POLA1: variants seen among roughly 807,000 people sequenced by gnomAD.
POLA1 encodes DNA polymerase alpha catalytic subunit.
POLA1 carries 15 observed loss-of-function variants against 124.0 expected under a neutral mutation model. The ratio of observed to expected loss-of-function variants is 0.12; its 90% CI spans 0.08 to 0.19. The LOEUF is 0.19. Ranked by LOEUF, POLA1 falls within the 10% of genes least tolerant of loss-of-function variation. The probability of loss-of-function intolerance (pLI) is 1.00; values close to 1 mark genes in which losing one functional copy is unlikely to be tolerated. For missense variants in POLA1, 886 were observed against 1,103.4 expected (o/e 0.80, Z 2.79); for synonymous variants, 408 against 389.4 (o/e 1.05, Z -0.56).
At chrX:24,867,050 T>G (rs1273713727) in intron 34 of POLA1, among the ~76,000 whole-genome samples, 1 of 109,228 alleles carries the variant, frequency 9.2e-6, no homozygotes, top group Non-Finnish European at 1.9e-5. Context: ...TATTTTTATA[T>G]TTGTTTTATA....
chrX:24,842,961 A>G (rs923475204), intron 33 of POLA1, among the ~76,000 whole-genome samples: 1 of 111,989 alleles, frequency 8.9e-6, no homozygotes, highest in Admixed American at 9.5e-5. Flanking sequence ...ATATTTATTT[A>G]TTTCAAATTT....
intron 36 of POLA1, among the ~76,000 whole-genome samples, chrX:24,988,786 C>G (rs763079961): frequency 8.1e-5 from 9 of 111,307 alleles, no homozygotes; most frequent in Non-Finnish European, 1.7e-4. Context: ...GTCAACATGG[C>G]AAGACCCTGT....
intron 36 of POLA1, among the ~76,000 whole-genome samples, chrX:24,951,034 T>C (rs1184243780): frequency 8.9e-6 from 1 of 111,753 alleles, no homozygotes; most frequent in Non-Finnish European, 1.9e-5. Context: ...ATCTTAAAAT[T>C]GGTGAAATAT....
At chrX:24,838,753 C>A (rs1358026965) in intron 32 of POLA1, among the ~76,000 whole-genome samples, 1 of 112,391 alleles carries the variant, frequency 8.9e-6, no homozygotes, top group Non-Finnish European at 1.9e-5. Flanking sequence ...GGAGTGACAA[C>A]AATTAAAAAT....
chrX:24,884,741 T>G (rs2047043798), intron 34 of POLA1, among the ~76,000 whole-genome samples: 1 of 112,113 alleles, frequency 8.9e-6, no homozygotes, highest in African/African-American at 3.2e-5. Context: ...CATGTTTAAT[T>G]TCCATGCATA....
intron 26 of POLA1, among the ~76,000 whole-genome samples, chrX:24,791,680 G>A (rs968330402): frequency 4.5e-5 from 5 of 112,141 alleles, no homozygotes; most frequent in African/African-American, 1.6e-4. Flanking sequence ...CACCACGCCC[G>A]GCCTATTGTA....
chrX:24,805,009 AC>A (rs1344112361), intron 26 of POLA1, among the ~76,000 whole-genome samples: 1 of 111,574 alleles, frequency 9.0e-6, no homozygotes, highest in Non-Finnish European at 1.9e-5. Flanking sequence ...TCTTTAGAAA[AC>A]AATTTTTGAT....
At position 24,727,781 on chromosome X, in the gene POLA1, G is replaced by A; in HGVS notation, c.1532-1G>A. 8.3e-7 allele frequency: 1 copy of A among 1,202,889 alleles called. No individual in the cohort carries two copies. Among genetic ancestry groups the A allele is most frequent in the Non-Finnish European group, 1.1e-6 (1 of 888,567 alleles). On this transcript the variant is annotated splice_acceptor_variant, in intron 14 of 36. Transcript: ENST00000379068. LOFTEE classifies it high-confidence loss of function. ...GATCTGTTGTATCTATTCTCTTTCA[G>A]AGCTCTTGAATCAGCCAGTCAGTTG... is the stretch of plus-strand genomic sequence containing the variant.
intron 36 of POLA1, among the ~76,000 whole-genome samples, chrX:24,992,212 A>G (rs888457994): frequency 9.0e-6 from 1 of 110,844 alleles, no homozygotes; most frequent in Admixed American, 9.6e-5. Flanking sequence ...ACGTGTAGAG[A>G]GCGTAGAGGG....
chrX:24,905,207 A>G (rs938809953), intron 35 of POLA1, among the ~76,000 whole-genome samples: 4 of 109,763 alleles, frequency 3.6e-5, no homozygotes, highest in Admixed American at 2.0e-4. Context: ...TGACAGCTGA[A>G]CTGACATTGG....
chrX:24,792,699 T>A (rs2045524890), intron 26 of POLA1, among the ~76,000 whole-genome samples: 1 of 112,588 alleles, frequency 8.9e-6, no homozygotes, highest in African/African-American at 3.2e-5. Flanking sequence ...AAGGAACTAT[T>A]GCAAGGCATG....
intron 20 of POLA1, among the ~76,000 whole-genome samples, chrX:24,741,146 T>TGTGCGC (rs1555980133): frequency 4.1e-5 from 4 of 97,814 alleles, no homozygotes; most frequent in African/African-American, 1.5e-4. Context: ...TGTGTGTGTG[T>TGTGCGC]GCGCGCGTGT....
chrX:24,766,445 A>G lies in POLA1; in HGVS notation c.2964+17453A>G, dbSNP rs1469039286. On this transcript the variant is annotated intron_variant, in intron 26 of 36. Transcript: ENST00000379068. ...TACCTGCTTTCCATCTGTTTTGTGT[A>G]GTTCATTCCTTTGGTTTTTGAGCTT... is the stretch of plus-strand genomic sequence containing the variant. Among the ~76,000 whole-genome samples the G allele has an allele frequency of 6.2e-5, 7 of 112,125 alleles. No homozygotes were observed. In the Admixed American group the frequency reaches 6.6e-4, roughly 11 times the overall value.
intron 36 of POLA1, among the ~76,000 whole-genome samples, chrX:24,972,062 A>G (rs1027220536): frequency 9.1e-6 from 1 of 109,880 alleles, no homozygotes; most frequent in East Asian, 2.9e-4. Flanking sequence ...TCCGCCTCTC[A>G]GGTTCAAGCG....
intron 36 of POLA1, among the ~76,000 whole-genome samples, chrX:24,955,019 G>A (rs1312214772): frequency 1.8e-5 from 2 of 111,869 alleles, no homozygotes; most frequent in Admixed American, 9.4e-5. Flanking sequence ...CTGTAGCAGC[G>A]AAGTCTACCA....
chrX:24,912,391 C>T (rs1282724709), intron 35 of POLA1, among the ~76,000 whole-genome samples: 2 of 111,455 alleles, frequency 1.8e-5, no homozygotes, highest in African/African-American at 6.5e-5. Flanking sequence ...AATTAAAAAC[C>T]TTTGATCTGC....
intron 34 of POLA1, among the ~76,000 whole-genome samples, chrX:24,850,350 A>T (rs755689834): frequency 3.2e-4 from 36 of 112,269 alleles, no homozygotes; most frequent in African/African-American, 9.1e-4. Context: ...CATGCCAGCT[A>T]TGTATTCTAT....
chrX:24,784,021 TTCTACCA>T lies in POLA1; in HGVS notation c.2965-25875_2965-25869del, dbSNP rs889028279. 2.7e-5 allele frequency among the ~76,000 whole-genome samples: 3 copies of T among 109,198 alleles called. No individual in the cohort carries two copies. In the Admixed American group the frequency reaches 3.0e-4, roughly 11 times the overall value. The allele number at this position is 109,198 out of a possible 115,157, so 94.8% of individuals were successfully genotyped here. A position where few individuals can be genotyped will look rare whatever the true frequency, so the allele number is the denominator to read the frequency against. On this transcript the variant is annotated intron_variant, in intron 26 of 36. Transcript: ENST00000379068. Reference sequence around the variant, plus strand: ...TTTGGGGGGGAAGATAGTCAAACAGTTCTACCATTTATCATTTTATCTGCAAGATTTA... The same window carrying T: ...TTTGGGGGGGAAGATAGTCAAACAGTTTTATCATTTTATCTGCAAGATTTA...
chrX:24,862,615 C>T (rs756977377), intron 34 of POLA1, among the ~76,000 whole-genome samples: 1 of 111,552 alleles, frequency 9.0e-6, no homozygotes, highest in African/African-American at 3.3e-5. Context: ...AAAAAAGATA[C>T]TGTTGAAGAC....
Sources: allele counts gnomAD v4.1 joint callset (sites outside exome capture counted in the v4.1 genomes callset), GRCh38; gene constraint gnomAD v4.1.1; transcripts MANE v1.5; gene names NCBI Gene and HGNC (gene_info 2026-07-23, HGNC 2026-07-21).